PIK3R5: variants seen among roughly 807,000 people sequenced by gnomAD.
PIK3R5 encodes phosphoinositide-3-kinase regulatory subunit 5.
PIK3R5 carries 32 observed loss-of-function variants against 94.9 expected under a neutral mutation model. That is an observed-to-expected ratio of 0.34 (90% CI 0.25 to 0.45). The LOEUF (loss-of-function observed/expected upper bound fraction) is 0.45. Among genes scored for constraint, PIK3R5 ranks in the 20% least tolerant of loss-of-function variants. The probability of loss-of-function intolerance (pLI) is 1.00; values close to 1 mark genes in which losing one functional copy is unlikely to be tolerated. For synonymous variants in PIK3R5, 443 were observed against 479.4 expected (o/e 0.92, Z 0.99); for missense variants, 853 against 1,144.6 (o/e 0.75, Z 3.68).
In PIK3R5 at chr17:8,911,318, C is replaced by G; in HGVS notation, c.103+74G>C. 8.5e-7 allele frequency: 1 copy of G among 1,179,988 alleles called. No homozygotes were observed. The highest frequency in any genetic ancestry group is 1.2e-5 in the South Asian group (1 of 80,418). 73.1% of individuals were successfully genotyped at this position (1,179,988 alleles called of 1,614,324 possible). On this transcript the variant is annotated intron_variant, in intron 2 of 18. Coordinates refer to ENST00000447110, the MANE Select transcript of PIK3R5 (RefSeq NM_001142633.3). The surrounding 1 kb of genome is among the most constrained non-coding windows in gnomAD (Gnocchi z 5.3). Reference sequence around the variant, plus strand: ...ACCTAGAATTTGCCAGTTTCCATGCCTGGTCCAGTGCCCACCGTGGCCCCT... The same window carrying G: ...ACCTAGAATTTGCCAGTTTCCATGCGTGGTCCAGTGCCCACCGTGGCCCCT...
chr17:8,924,182 G>A (rs1210692099), intron 1 of PIK3R5, among the ~76,000 whole-genome samples: 3 of 150,714 alleles, frequency 2.0e-5, no homozygotes, highest in Non-Finnish European at 4.4e-5. Context: ...GGGCTCAAGC[G>A]ATCCTCCTGC....
In PIK3R5 at chr17:8,890,243, A is replaced by G; in HGVS notation, c.658-117T>C. On this transcript the variant is annotated intron_variant, in intron 7 of 18. Coordinates refer to ENST00000447110, the MANE Select transcript of PIK3R5 (RefSeq NM_001142633.3). This position sits in a 1 kb window ranked among gnomAD's most constrained non-coding sequence, Gnocchi z 6.1. ...TGATCTGTCCCCTCCCAGCCTCATC[A>G]CCCATCTCCTACCCACAGCTGGCCA... 9.5e-7 allele frequency: 1 copy of G among 1,049,772 alleles called. No homozygotes were observed. The highest frequency in any genetic ancestry group is 2.6e-5 in the East Asian group (1 of 38,408). The allele number at this position is 1,049,772 out of a possible 1,614,324, so 65.0% of individuals were successfully genotyped here.
Position 8,882,952 on chromosome 17 carries a change from C to T in PIK3R5, c.2206-1071G>A, listed in dbSNP as rs1229961368. The stretch of plus-strand genomic sequence containing the variant: ...CACTTGTGGACCCTTCCTATCTGTC[C>T]TCCACAGAGCTGCCAGAGGGAGCTT... On this transcript the variant is annotated intron_variant, in intron 15 of 18. Coordinates refer to ENST00000447110, the MANE Select transcript of PIK3R5 (RefSeq NM_001142633.3). The surrounding 1 kb of genome is among the most constrained non-coding windows in gnomAD (Gnocchi z 4.1). Among the ~76,000 whole-genome samples the T allele has an allele frequency of 1.3e-5, 2 of 152,234 alleles. No individual in the cohort carries two copies. The highest frequency in any genetic ancestry group is 2.4e-5 in the African/African-American group (1 of 41,456).
At chr17:8,956,623 T>A (rs1783317362) in intron 1 of PIK3R5, among the ~76,000 whole-genome samples, 1 of 152,200 alleles carries the variant, frequency 6.6e-6, no homozygotes, top group Non-Finnish European at 1.5e-5. Flanking sequence ...TGTGTTCTCT[T>A]AAGCACAATA....
Position 8,941,654 on chromosome 17 carries a change from C to T in PIK3R5, c.-14+23942G>A, listed in dbSNP as rs552076498. Among the ~76,000 whole-genome samples, 9 of 152,350 alleles carry T rather than the reference C, an allele frequency of 5.9e-5. No homozygotes were observed. The South Asian group carries it at 8.3e-4, about 14-fold the overall frequency. On this transcript the variant is annotated intron_variant, in intron 1 of 18. Transcript: ENST00000447110. ...GCCTGTGCTTCGAGAGCGGCCCACG[C>T]GGCACCGTGGCACAGGATGTGGCGG...
chr17:8,936,210 A>G (rs2091073659), intron 1 of PIK3R5, among the ~76,000 whole-genome samples: 1 of 152,146 alleles, frequency 6.6e-6, no homozygotes, highest in Non-Finnish European at 1.5e-5. Context: ...TCTATTATTA[A>G]TATCTTCCAT....
Position 8,884,330 on chromosome 17 carries a change from G to C in PIK3R5, c.2205+377C>G, listed in dbSNP as rs1382593837. 6.6e-6 allele frequency among the ~76,000 whole-genome samples: 1 copy of C among 151,980 alleles called. No individual in the cohort carries two copies. Among genetic ancestry groups the C allele is most frequent in the East Asian group, 1.9e-4 (1 of 5,180 alleles). Reference sequence around the variant, plus strand: ...TCCTTTCTCACGCCAATCCCATCTTGCATGCAGCCTGCCAGGCACACTGGC... The same window carrying C: ...TCCTTTCTCACGCCAATCCCATCTTCCATGCAGCCTGCCAGGCACACTGGC... On this transcript the variant is annotated intron_variant, in intron 15 of 18. Transcript: ENST00000447110. This position sits in a 1 kb window ranked among gnomAD's most constrained non-coding sequence, Gnocchi z 5.8.
chr17:8,919,877 T>G (rs969396377), intron 1 of PIK3R5, among the ~76,000 whole-genome samples: 2 of 147,928 alleles, frequency 1.4e-5, no homozygotes, highest in Non-Finnish European at 1.5e-5. Flanking sequence ...TCTCTTTTTT[T>G]CTTTTTCCTT....
In PIK3R5 at chr17:8,887,102, C is replaced by T. The variant is rs1180498611; in HGVS notation, c.1899G>A (p.Leu633=). 6.2e-7 allele frequency: 1 copy of T among 1,613,876 alleles called. No homozygotes were observed. The highest frequency in any genetic ancestry group is 1.1e-5 in the South Asian group (1 of 91,086). ...CAACCACGGGGCCACTTACCTGGCACAGGACTTCAGGGGGCAGGTGCATGA... is the reference window on the plus strand; with the variant it reads ...CAACCACGGGGCCACTTACCTGGCATAGGACTTCAGGGGGCAGGTGCATGA... ...LGLMHLPPEV[L]CQQSLKAEAQ... The change falls in exon 12 of 19, where the codon CTG becomes CTA. Residue 633 remains leucine (L), a synonymous_variant. Coordinates refer to ENST00000447110, the MANE Select transcript of PIK3R5 (RefSeq NM_001142633.3).
In PIK3R5 at chr17:8,880,712, G is replaced by A. The variant is rs756711078; in HGVS notation, c.2570C>T (p.Pro857Leu). The change falls in exon 19 of 19, where the codon CCG (proline) becomes CTG (leucine). Residue 857 changes from proline (P) to leucine (L), a missense_variant. By Grantham distance (98) the Pro-to-Leu change is moderately conservative. This residue lies in a region of PIK3R5 where 91 missense variants were observed against 90.5 expected (regional missense o/e 1.01). Coordinates refer to ENST00000447110, the MANE Select transcript of PIK3R5 (RefSeq NM_001142633.3). ...SSPPQTPPDLPAQAAPDLCSL... is the reference protein window; with the variant it reads ...SSPPQTPPDLLAQAAPDLCSL... ...GCAGAGATCAGGTGCGGCCTGGGCC[G>A]GCAGGTCAGGAGGCGTCTGGGGTGG... The A allele has an allele frequency of 2.1e-5, 34 of 1,613,808 alleles. No individual in the cohort carries two copies. Among genetic ancestry groups the A allele is most frequent in the Non-Finnish European group, 2.7e-5 (32 of 1,179,918 alleles).
At chr17:8,914,895 C>T (rs1248624704) in intron 1 of PIK3R5, among the ~76,000 whole-genome samples, 2 of 152,222 alleles carry the variant, frequency 1.3e-5, no homozygotes, top group Admixed American at 1.3e-4. Flanking sequence ...AGGCTGAAGG[C>T]TGGACCAATT....
chr17:8,931,538 G>A (rs530910010), intron 1 of PIK3R5, among the ~76,000 whole-genome samples: 56 of 152,276 alleles, frequency 3.7e-4, no homozygotes, highest in African/African-American at 9.9e-4. Context: ...AAGCATAGAG[G>A]TAGAATGCAA....
chr17:8,918,827 C>T (rs1011411695), intron 1 of PIK3R5, among the ~76,000 whole-genome samples: 1 of 152,304 alleles, frequency 6.6e-6, no homozygotes, highest in Non-Finnish European at 1.5e-5. Flanking sequence ...CAGCAATAAG[C>T]TATACATATC....
intron 5 of PIK3R5, among the ~76,000 whole-genome samples, chr17:8,903,941 A>C (rs1230428059): frequency 6.6e-6 from 1 of 152,260 alleles, no homozygotes; most frequent in Non-Finnish European, 1.5e-5. Context: ...CCTATAAGCC[A>C]AAAGAGGAAG....
rs145944191 is a variant in PIK3R5, at chr17:8,935,063, T to C, written c.-13-23556A>G. 1.3e-5 allele frequency among the ~76,000 whole-genome samples: 2 copies of C among 152,338 alleles called. No individual in the cohort carries two copies. Among genetic ancestry groups the C allele is most frequent in the East Asian group, 1.9e-4 (1 of 5,194 alleles). The stretch of plus-strand genomic sequence containing the variant: ...TTAATATGCATTCTTCTGTCTTCCA[T>C]TTCCAGGTCACTTCTTCAGGGGAGA... On this transcript the variant is annotated intron_variant, in intron 1 of 18. Transcript: ENST00000447110. The surrounding 1 kb of genome is among the most constrained non-coding windows in gnomAD (Gnocchi z 4.5).
rs747078282 is a variant in PIK3R5, at chr17:8,881,592, T to A, written c.2382+38A>T. 2 of 1,373,448 alleles carry A rather than the reference T, an allele frequency of 1.5e-6. No homozygotes were observed. The highest frequency in any genetic ancestry group is 2.1e-6 in the Non-Finnish European group (2 of 974,492). 85.1% of individuals were successfully genotyped at this position (1,373,448 alleles called of 1,614,324 possible). A position where few individuals can be genotyped will look rare whatever the true frequency, so the allele number is the denominator to read the frequency against. ...ACGCACATGCACGCTCCAGTAAGTC[T>A]CTTGAGGGTATGGCTGGAAGGAGAG... On this transcript the variant is annotated intron_variant, in intron 17 of 18. Transcript: ENST00000447110. This position sits in a 1 kb window ranked among gnomAD's most constrained non-coding sequence, Gnocchi z 4.8.
At chr17:8,953,497 G>A (rs1330492655) in intron 1 of PIK3R5, among the ~76,000 whole-genome samples, 1 of 152,122 alleles carries the variant, frequency 6.6e-6, no homozygotes, top group Non-Finnish European at 1.5e-5. Flanking sequence ...AGCTATCATA[G>A]CACCGTGACC....
At chr17:8,880,854 G>A in intron 18 of PIK3R5, 51 bp downstream of exon 18, 2 of 1,613,390 alleles carry the variant, frequency 1.2e-6, no homozygotes, top group Non-Finnish European at 1.7e-6. Flanking sequence ...CCAGGCCTCT[G>A]GGTTGGTGGG....
chr17:8,958,084 G>A (rs933484510), intron 1 of PIK3R5, among the ~76,000 whole-genome samples: 6 of 152,140 alleles, frequency 3.9e-5, no homozygotes, highest in Non-Finnish European at 7.4e-5. Flanking sequence ...GCCAAGGCTG[G>A]TGGATCACTT....
Sources: gnomAD v4.1 joint callset for allele counts (sites outside exome capture counted in the v4.1 genomes callset) on GRCh38, gnomAD v4.1.1 for gene constraint, gnomAD v4.1.1 regional missense constraint, Gnocchi (gnomAD v3.1) non-coding constraint, MANE v1.5 for transcripts, NCBI Gene and HGNC (gene_info 2026-07-23, HGNC 2026-07-21) for gene names.